Variants in MAGI2 observed in about 807,000 individuals in gnomAD.
The protein encoded by MAGI2 is membrane-associated guanylate kinase, WW and PDZ domain-containing protein 2.
Under a neutral mutation model 133.3 loss-of-function variants are expected in MAGI2, and 35 were observed. The observed-to-expected ratio is 0.26, with a 90% CI of 0.20 to 0.35. MAGI2 has a LOEUF of 0.35. MAGI2 is among the 10% of genes least tolerant of loss of function. The pLI, the probability that MAGI2 is intolerant of heterozygous loss-of-function variation, is 1.00. For missense variants in MAGI2, 1,636 were observed against 1,863.4 expected, an observed-to-expected ratio of 0.88 and a Z score of 2.25; for synonymous variants, 729 against 710.6, an observed-to-expected ratio of 1.03 and a Z score of -0.41.
chr7:79,410,030 AAC>A (rs1268214675), intron 1 of MAGI2: 4 of 152,220 alleles, frequency 2.6e-5, no homozygotes, highest in Admixed American at 6.5e-5. Flanking sequence ...AATAAATAGA[AAC>A]ACATATAGGA....
At chr7:78,191,086 T>C (rs931407651) in intron 12 of MAGI2, among the ~76,000 whole-genome samples, 2 of 152,174 alleles carry the variant, frequency 1.3e-5, no homozygotes, top group African/African-American at 4.8e-5. Context: ...AGTAATGACT[T>C]AGGGTCAATG....
chr7:78,978,847 T>C (rs985742729), intron 2 of MAGI2, among the ~76,000 whole-genome samples: 6 of 151,798 alleles, frequency 4.0e-5, no homozygotes, highest in Non-Finnish European at 7.4e-5. Context: ...TGTACTCTAG[T>C]TGATAATATT....
At chr7:78,585,371 A>T (rs546329676) in intron 3 of MAGI2, among the ~76,000 whole-genome samples, 2 of 152,228 alleles carry the variant, frequency 1.3e-5, no homozygotes, top group East Asian at 3.8e-4. Flanking sequence ...GGCACTGACC[A>T]TCATACTCAG....
At chr7:78,844,996 A>G (rs988269613) in intron 2 of MAGI2, among the ~76,000 whole-genome samples, 1 of 151,732 alleles carries the variant, frequency 6.6e-6, no homozygotes, top group Non-Finnish European at 1.5e-5. Context: ...TATTTTAAAA[A>G]CTCTCTGAGT....
At chr7:78,343,658 G>C in intron 9 of MAGI2, 120 bp downstream of exon 9, 1 of 632,816 alleles carries the variant, frequency 1.6e-6, no homozygotes, top group Non-Finnish European at 2.4e-6. Flanking sequence ...TATGCTTCAT[G>C]CTTTTCCTAA....
chr7:78,537,003 T>C (rs146285296), intron 3 of MAGI2, among the ~76,000 whole-genome samples: 4,808 of 152,092 alleles, frequency 0.032, 238 homozygotes, highest in African/African-American at 0.1. Flanking sequence ...TGTATCATTC[T>C]TATGCCTTTG....
intron 1 of MAGI2, among the ~76,000 whole-genome samples, chr7:79,256,142 C>T (rs956820530): frequency 3.3e-5 from 5 of 152,176 alleles, no homozygotes; most frequent in African/African-American, 1.2e-4. Context: ...AAAACTAATG[C>T]TCCCATTTAT....
chr7:79,372,302 T>C (rs1358816553), intron 1 of MAGI2, among the ~76,000 whole-genome samples: 1 of 152,106 alleles, frequency 6.6e-6, no homozygotes, highest in East Asian at 1.9e-4. Context: ...AGGAGATGTA[T>C]GATTATTCAG....
chr7:78,560,590 A>G (rs1800303541), intron 3 of MAGI2, among the ~76,000 whole-genome samples: 1 of 152,196 alleles, frequency 6.6e-6, no homozygotes, highest in Non-Finnish European at 1.5e-5. Context: ...ATTATTTTGT[A>G]GTTTCAAAAG....
At chr7:79,035,099 C>G (rs1033800501) in intron 1 of MAGI2, among the ~76,000 whole-genome samples, 1 of 151,700 alleles carries the variant, frequency 6.6e-6, no homozygotes, top group African/African-American at 2.4e-5. Context: ...AATTGAAAAG[C>G]ATGAAATCCT....
intron 6 of MAGI2, among the ~76,000 whole-genome samples, chr7:78,465,540 A>G (rs1272917388): frequency 6.6e-6 from 1 of 152,192 alleles, no homozygotes; most frequent in Non-Finnish European, 1.5e-5. Context: ...TGTAATTATG[A>G]AAAGATGTAG....
intron 2 of MAGI2, among the ~76,000 whole-genome samples, chr7:78,714,087 A>AG (rs548807384): frequency 8.8e-4 from 62 of 70,202 alleles, no homozygotes; most frequent in Non-Finnish European, 9.5e-4. Flanking sequence ...GGTGAAAGAA[A>AG]GAGGGGGGAA....
intron 1 of MAGI2, among the ~76,000 whole-genome samples, chr7:79,391,035 T>C (rs941199172): frequency 3.3e-5 from 5 of 152,162 alleles, no homozygotes; most frequent in African/African-American, 1.2e-4. Context: ...ACACGAAATG[T>C]AGCTACAGAA....
chr7:79,310,594 A>G (rs926485609), intron 1 of MAGI2, among the ~76,000 whole-genome samples: 1 of 152,176 alleles, frequency 6.6e-6, no homozygotes, highest in Non-Finnish European at 1.5e-5. Flanking sequence ...GAGTTAGTGA[A>G]GCAGAGAACA....
chr7:78,569,112 A>C (rs537410899), intron 3 of MAGI2, among the ~76,000 whole-genome samples: 1 of 139,580 alleles, frequency 7.2e-6, no homozygotes. Context: ...CCCCTGCCAC[A>C]TATGTGCATG....
intron 2 of MAGI2, among the ~76,000 whole-genome samples, chr7:78,983,194 G>A (rs1268668421): frequency 6.6e-6 from 1 of 151,862 alleles, no homozygotes; most frequent in Non-Finnish European, 1.5e-5. Context: ...TACATATGTG[G>A]CTTGCATTGT....
chr7:78,363,390 C>G (rs914880681), intron 7 of MAGI2, among the ~76,000 whole-genome samples: 4 of 151,974 alleles, frequency 2.6e-5, no homozygotes, highest in Non-Finnish European at 5.9e-5. Context: ...CTACTCGGGA[C>G]GCTGAGGCAG....
chr7:78,714,708 A>G (rs571008275), intron 2 of MAGI2, among the ~76,000 whole-genome samples: 1 of 152,324 alleles, frequency 6.6e-6, no homozygotes, highest in East Asian at 1.9e-4. Context: ...TCAGATGAAT[A>G]TCTAAAATAA....
intron 1 of MAGI2, among the ~76,000 whole-genome samples, chr7:79,441,232 G>T (rs1253331404): frequency 1.3e-5 from 2 of 152,160 alleles, no homozygotes; most frequent in Non-Finnish European, 2.9e-5. Flanking sequence ...AAGTTGGGGA[G>T]GAGGAGAAAA....
Sources: allele counts gnomAD v4.1 joint callset (sites outside exome capture counted in the v4.1 genomes callset), GRCh38; gene constraint gnomAD v4.1.1; transcripts MANE v1.5; gene names NCBI Gene and HGNC (gene_info 2026-07-23, HGNC 2026-07-21).